Variants in ADCY2 observed in about 807,000 individuals in gnomAD.
The protein encoded by ADCY2 is adenylate cyclase type 2.
In ADCY2, 31 loss-of-function variants were observed where a neutral mutation model predicts 125.2. The observed-to-expected ratio is 0.25, with a 90% confidence interval of 0.19 to 0.33. The LOEUF is 0.33. Among genes scored for constraint, ADCY2 ranks in the 10% least tolerant of loss-of-function variants. ADCY2 has a pLI of 1.00. For missense variants in ADCY2, 904 were observed against 1,418.2 expected (o/e 0.64, Z 5.82); for synonymous variants, 512 against 548.4 (o/e 0.93, Z 0.93).
chr5:7,789,388 C>T (rs774683944), intron 19 of ADCY2, among the ~76,000 whole-genome samples: 2 of 152,106 alleles, frequency 1.3e-5, no homozygotes, highest in South Asian at 2.1e-4. Flanking sequence ...GCTTTAATGG[C>T]GCTTTGAATT....
chr5:7,790,747 T>C (rs1258802461), intron 20 of ADCY2, among the ~76,000 whole-genome samples: 1 of 151,882 alleles, frequency 6.6e-6, no homozygotes, highest in Admixed American at 6.6e-5. Flanking sequence ...CCAAAGAGAG[T>C]TTTGAAGACT....
chr5:7,650,970 G>T (rs554152526), intron 4 of ADCY2, among the ~76,000 whole-genome samples: 1 of 152,088 alleles, frequency 6.6e-6, no homozygotes, highest in South Asian at 2.1e-4. Context: ...TGGTGACTTG[G>T]CAGAGGGGAG....
chr5:7,606,168 G>C (rs535461431), intron 3 of ADCY2, among the ~76,000 whole-genome samples: 1 of 152,182 alleles, frequency 6.6e-6, no homozygotes, highest in East Asian at 1.9e-4. Flanking sequence ...TGTTGTTTAC[G>C]TGGATTTATT....
chr5:7,823,134 T>C (rs894271050), intron 24 of ADCY2, among the ~76,000 whole-genome samples: 3 of 152,244 alleles, frequency 2.0e-5, no homozygotes, highest in African/African-American at 7.2e-5. Flanking sequence ...AATTTTTGTA[T>C]GGAATGGAGG....
At chr5:7,418,432 G>T (rs1040199314) in intron 2 of ADCY2, among the ~76,000 whole-genome samples, 3 of 152,082 alleles carry the variant, frequency 2.0e-5, no homozygotes, top group Non-Finnish European at 4.4e-5. Context: ...CCATAGCCAG[G>T]CTCAGTGGCT....
intron 4 of ADCY2, among the ~76,000 whole-genome samples, chr5:7,673,259 A>ATATATAT (rs1222234296): frequency 5.6e-4 from 5 of 8,938 alleles, no homozygotes; most frequent in East Asian, 0.01. Flanking sequence ...AAAAAAAAAA[A>ATATATAT]AAAAAAAAAA....
At chr5:7,419,559 G>T (rs1344855418) in intron 2 of ADCY2, among the ~76,000 whole-genome samples, 2 of 152,198 alleles carry the variant, frequency 1.3e-5, no homozygotes, top group Non-Finnish European at 2.9e-5. Context: ...CCTTCCGAAG[G>T]TGAGGCTGAC....
At chr5:7,788,260 A>G (rs1336915423) in intron 19 of ADCY2, among the ~76,000 whole-genome samples, 1 of 152,022 alleles carries the variant, frequency 6.6e-6, no homozygotes, top group Non-Finnish European at 1.5e-5. Context: ...GCTCCCTGCA[A>G]CCTCCACCTC....
At chr5:7,734,321 A>G (rs1382954160) in intron 14 of ADCY2, among the ~76,000 whole-genome samples, 2 of 152,290 alleles carry the variant, frequency 1.3e-5, no homozygotes, top group East Asian at 3.9e-4. Context: ...GTGTGTCTCC[A>G]CTGGACTTAT....
At chr5:7,634,213 C>A (rs1231794485) in intron 4 of ADCY2, among the ~76,000 whole-genome samples, 1 of 152,146 alleles carries the variant, frequency 6.6e-6, no homozygotes, top group Non-Finnish European at 1.5e-5. Flanking sequence ...TTACCATGAG[C>A]ACAGTTGCAG....
chr5:7,557,614 T>C (rs1735567411), intron 3 of ADCY2, among the ~76,000 whole-genome samples: 1 of 152,122 alleles, frequency 6.6e-6, no homozygotes, highest in South Asian at 2.1e-4. Flanking sequence ...AGTGAGAGCA[T>C]GAGGTATTTG....
intron 4 of ADCY2, among the ~76,000 whole-genome samples, chr5:7,649,383 C>G (rs1442153447): frequency 6.6e-6 from 1 of 152,208 alleles, no homozygotes; most frequent in Non-Finnish European, 1.5e-5. Context: ...GTAAACTTAA[C>G]AAATTCTAAG....
chr5:7,725,161 A>G (rs375111917), intron 13 of ADCY2, among the ~76,000 whole-genome samples: 10 of 152,178 alleles, frequency 6.6e-5, no homozygotes, highest in African/African-American at 2.4e-4. Flanking sequence ...CAAGCTATAT[A>G]TGGGTTTGCC....
intron 4 of ADCY2, among the ~76,000 whole-genome samples, chr5:7,667,799 TAAG>T (rs1372685997): frequency 2.6e-5 from 4 of 152,226 alleles, no homozygotes; most frequent in Non-Finnish European, 5.9e-5. Context: ...CTCCCTCTAT[TAAG>T]AAGACGTTCT....
chr5:7,638,814 C>T (rs184414969), intron 4 of ADCY2, among the ~76,000 whole-genome samples: 2 of 152,288 alleles, frequency 1.3e-5, no homozygotes, highest in Admixed American at 6.5e-5. Context: ...TACGGTTTGG[C>T]TCTGTGGCCC....
At chr5:7,805,176 G>T (rs1375690585) in intron 22 of ADCY2, among the ~76,000 whole-genome samples, 1 of 149,120 alleles carries the variant, frequency 6.7e-6, no homozygotes, top group African/African-American at 2.6e-5. Flanking sequence ...AAAAAAAATA[G>T]CCAGGTGTGG....
At chr5:7,606,379 C>T (rs1244948939) in intron 3 of ADCY2, among the ~76,000 whole-genome samples, 1 of 151,990 alleles carries the variant, frequency 6.6e-6, no homozygotes, top group African/African-American at 2.4e-5. Flanking sequence ...GGCTTATGTC[C>T]AATGGTGATG....
At chr5:7,459,772 A>ATTTTTTTTTTTTTTTTTTTTT (rs3033085) in intron 2 of ADCY2, among the ~76,000 whole-genome samples, 2 of 72,862 alleles carry the variant, frequency 2.7e-5, no homozygotes, top group African/African-American at 1.2e-4. Context: ...TTAAGAGGTA[A>ATTTTTTTTTTTTTTTTTTTTT]TTTTTTTTTT....
intron 15 of ADCY2, among the ~76,000 whole-genome samples, chr5:7,748,905 C>T (rs1301418631): frequency 6.6e-6 from 1 of 152,148 alleles, no homozygotes; most frequent in Non-Finnish European, 1.5e-5. Context: ...ACATAACTTG[C>T]CTTCCCAGTG....
Sources: gnomAD v4.1 joint callset for allele counts (sites outside exome capture counted in the v4.1 genomes callset) on GRCh38, gnomAD v4.1.1 for gene constraint, MANE v1.5 for transcripts, NCBI Gene and HGNC (gene_info 2026-07-23, HGNC 2026-07-21) for gene names.